CSMD3: variants seen among roughly 807,000 people sequenced by gnomAD.
The protein encoded by CSMD3 is CUB and Sushi multiple domains 3.
Under a neutral mutation model 435.2 loss-of-function variants are expected in CSMD3, and 177 were observed. The observed-to-expected ratio is 0.41, with a 90% CI of 0.36 to 0.46. The LOEUF (loss-of-function observed/expected upper bound fraction) is 0.46, where lower values mean the gene tolerates loss of function less well. Among genes scored for constraint, CSMD3 ranks in the 20% least tolerant of loss-of-function variants. The pLI is 0.34. For synonymous variants in CSMD3, 1,656 were observed against 1,520.5 expected (o/e 1.09, Z -2.07); for missense variants, 4,265 against 4,504.6 (o/e 0.95, Z 1.52).
chr8:112,373,424 A>G (rs1828631227), intron 38 of CSMD3, among the ~76,000 whole-genome samples: 1 of 152,108 alleles, frequency 6.6e-6, no homozygotes, highest in Non-Finnish European at 1.5e-5. Context: ...CTGTTTACAC[A>G]CACACACCAC....
At chr8:112,456,499 A>G (rs1586385612) in intron 32 of CSMD3, among the ~76,000 whole-genome samples, 1 of 145,062 alleles carries the variant, frequency 6.9e-6, no homozygotes, top group East Asian at 2.2e-4. Context: ...TATTATCTAA[A>G]GAAAATAAAT....
intron 12 of CSMD3, among the ~76,000 whole-genome samples, chr8:112,807,302 G>A (rs1270238702): frequency 6.6e-6 from 1 of 152,140 alleles, no homozygotes; most frequent in Non-Finnish European, 1.5e-5. Flanking sequence ...AGAGCCTGTG[G>A]TTTTTAGCAA....
chr8:112,683,975 T>C (rs142638401), intron 15 of CSMD3, among the ~76,000 whole-genome samples: 326 of 151,804 alleles, frequency 2.1e-3, no homozygotes, highest in African/African-American at 7.5e-3. Flanking sequence ...AACTCTAATA[T>C]AGAGTACCTG....
At chr8:113,395,084 A>AT (rs61147951) in intron 1 of CSMD3, among the ~76,000 whole-genome samples, 13 of 151,536 alleles carry the variant, frequency 8.6e-5, no homozygotes, top group Non-Finnish European at 1.5e-4. Flanking sequence ...TTTAGTGACT[A>AT]TTTTTTTTTC....
chr8:112,388,129 C>T (rs947472413), intron 36 of CSMD3, among the ~76,000 whole-genome samples: 1 of 152,074 alleles, frequency 6.6e-6, no homozygotes, highest in Non-Finnish European at 1.5e-5. Flanking sequence ...ACAGAAAGAA[C>T]AACATGCACA....
intron 5 of CSMD3, among the ~76,000 whole-genome samples, chr8:113,039,796 G>C (rs975283669): frequency 6.6e-6 from 1 of 152,104 alleles, no homozygotes; most frequent in Non-Finnish European, 1.5e-5. Flanking sequence ...AAACACATAT[G>C]CCCGTACTCC....
intron 2 of CSMD3, among the ~76,000 whole-genome samples, chr8:113,307,290 A>C (rs1289010529): frequency 1.3e-5 from 2 of 152,122 alleles, no homozygotes; most frequent in African/African-American, 4.8e-5. Flanking sequence ...ATAATTTATT[A>C]AGTTGTTATT....
At chr8:112,929,712 T>C (rs187971874) in intron 9 of CSMD3, among the ~76,000 whole-genome samples, 331 of 152,118 alleles carry the variant, frequency 2.2e-3, no homozygotes, top group African/African-American at 7.7e-3. Flanking sequence ...TGATATACTT[T>C]GATAGATAAA....
intron 27 of CSMD3, among the ~76,000 whole-genome samples, chr8:112,532,382 GAGTCA>G (rs1259480446): frequency 6.6e-6 from 1 of 152,116 alleles, no homozygotes. Flanking sequence ...TCACAAAGCA[GAGTCA>G]ATCAAAATAA....
At chr8:112,734,359 T>C (rs1737007541) in intron 13 of CSMD3, among the ~76,000 whole-genome samples, 1 of 151,804 alleles carries the variant, frequency 6.6e-6, no homozygotes, top group South Asian at 2.1e-4. Flanking sequence ...ATGGAGTGGT[T>C]ATGAGTTAAG....
rs56289713 is a variant in CSMD3, at chr8:112,791,319, G to GGAAAAAAAAAAAAAAAAAAAAA, written c.1972+8842_1972+8843insTTTTTTTTTTTTTTTTTTTTTC. Among the ~76,000 whole-genome samples, 2 of 103,194 alleles carry GGAAAAAAAAAAAAAAAAAAAAA rather than the reference G, an allele frequency of 1.9e-5. 1 individual carries two copies. The highest frequency in any genetic ancestry group is 7.8e-5 in the African/African-American group (2 of 25,756). 67.7% of individuals were successfully genotyped at this position (103,194 alleles called of 152,430 possible). A position where few individuals can be genotyped will look rare whatever the true frequency, so the allele number is the denominator to read the frequency against. The stretch of plus-strand genomic sequence containing the variant: ...CCTGGGTGACAGAGGCATATCCTGT[G>GGAAAAAAAAAAAAAAAAAAAAA]AAAAAAAAAAAAAAAAAAAAAGGAA... On this transcript the variant is annotated intron_variant, in intron 13 of 70. Transcript: ENST00000297405.
At chr8:113,389,105 G>A (rs2094450965) in intron 1 of CSMD3, among the ~76,000 whole-genome samples, 1 of 151,564 alleles carries the variant, frequency 6.6e-6, no homozygotes, top group Non-Finnish European at 1.5e-5. Flanking sequence ...TTCATAGTCA[G>A]TTTGTGTGAC....
At chr8:113,199,104 A>G (rs1302703724) in intron 3 of CSMD3, among the ~76,000 whole-genome samples, 1 of 149,664 alleles carries the variant, frequency 6.7e-6, no homozygotes, top group African/African-American at 2.4e-5. Context: ...ATATAATTTC[A>G]AATATATATA....
At position 113,230,300 on chromosome 8, in the gene CSMD3, T is replaced by C. The variant is rs2093071003; in HGVS notation, c.514+48292A>G. On this transcript the variant is annotated intron_variant, in intron 3 of 70. Coordinates refer to ENST00000297405, the MANE Select transcript of CSMD3 (RefSeq NM_198123.2). Reference sequence around the variant, plus strand: ...AACATCTTTGAACTTCAGTTTTTTTTCCTTGTAGAATTATGGGATTGATTG... The same window carrying C: ...AACATCTTTGAACTTCAGTTTTTTTCCCTTGTAGAATTATGGGATTGATTG... Among the ~76,000 whole-genome samples the C allele has an allele frequency of 4.6e-5, 7 of 151,714 alleles. No homozygotes were observed. In the South Asian group the frequency reaches 1.2e-3, roughly 27 times the overall value.
Position 112,877,762 on chromosome 8 carries a change from C to T in CSMD3, c.1634-18496G>A, listed in dbSNP as rs1372033013. Among the ~76,000 whole-genome samples the T allele has an allele frequency of 2.6e-5, 4 of 152,052 alleles. No individual in the cohort carries two copies. The South Asian group carries it at 8.3e-4, about 32-fold the overall frequency. On this transcript the variant is annotated intron_variant, in intron 10 of 70. Coordinates refer to ENST00000297405, the MANE Select transcript of CSMD3 (RefSeq NM_198123.2). The stretch of plus-strand genomic sequence containing the variant: ...AGAACAGAGTCCTCAGAAATAACAC[C>T]ACACATCTACAACCATCTGATCTCT...
intron 20 of CSMD3, among the ~76,000 whole-genome samples, chr8:112,644,132 A>T (rs2074913123): frequency 6.6e-6 from 1 of 151,824 alleles, no homozygotes; most frequent in Non-Finnish European, 1.5e-5. Context: ...CTCTTTTAGA[A>T]GATCAACCCA....
chr8:112,744,291 AATG>A (rs1329112968), intron 13 of CSMD3, among the ~76,000 whole-genome samples: 1 of 152,084 alleles, frequency 6.6e-6, no homozygotes, highest in Non-Finnish European at 1.5e-5. Context: ...GATCTTAAAG[AATG>A]ATGCCTTACT....
chr8:112,817,175 T>G (rs904038027), intron 12 of CSMD3, among the ~76,000 whole-genome samples: 2 of 152,112 alleles, frequency 1.3e-5, no homozygotes, highest in Non-Finnish European at 2.9e-5. Flanking sequence ...ACCATGAATC[T>G]AATGAGTCTA....
chr8:112,660,237 T>C (rs1387882996), intron 17 of CSMD3, among the ~76,000 whole-genome samples: 1 of 152,130 alleles, frequency 6.6e-6, no homozygotes, highest in East Asian at 1.9e-4. Flanking sequence ...ATTCGATTTC[T>C]TAAAACAATC....
Sources: allele counts gnomAD v4.1 joint callset (sites outside exome capture counted in the v4.1 genomes callset), GRCh38; gene constraint gnomAD v4.1.1; transcripts MANE v1.5; gene names NCBI Gene and HGNC (gene_info 2026-07-23, HGNC 2026-07-21).